The following SSBP2 variants were observed in gnomAD, a reference collection of about 807,000 sequenced individuals.
SSBP2 encodes the protein single stranded DNA binding protein 2, also known as single-stranded DNA-binding protein 2.
Under a neutral mutation model 61.8 loss-of-function variants are expected in SSBP2, and 17 were observed. The ratio of observed to expected loss-of-function variants is 0.28; its 90% CI spans 0.19 to 0.41. SSBP2 has a LOEUF of 0.41. Among genes scored for constraint, SSBP2 ranks in the 10% least tolerant of loss-of-function variants. The probability of loss-of-function intolerance (pLI) is 1.00; values close to 1 mark genes in which losing one functional copy is unlikely to be tolerated. For missense variants in SSBP2, 310 were observed against 458.7 expected (o/e 0.68, Z 2.96); for synonymous variants, 139 against 141.3 (o/e 0.98, Z 0.12).
intron 6 of SSBP2, among the ~76,000 whole-genome samples, chr5:81,486,915 G>C (rs1260411257): frequency 1.3e-5 from 2 of 152,238 alleles, no homozygotes; most frequent in African/African-American, 2.4e-5. Context: ...GTGAATCTGA[G>C]TGCTGGCACT....
At chr5:81,695,091 A>T (rs1006140586) in intron 1 of SSBP2, among the ~76,000 whole-genome samples, 1 of 152,366 alleles carries the variant, frequency 6.6e-6, no homozygotes, top group African/African-American at 2.4e-5. Flanking sequence ...AACATATTTT[A>T]AATAATCAGG....
intron 12 of SSBP2, among the ~76,000 whole-genome samples, chr5:81,445,138 T>TATATATTTA (rs1453692261): frequency 3.0e-5 from 1 of 33,896 alleles, no homozygotes; most frequent in African/African-American, 1.0e-4. Context: ...AAAAAAAATT[T>TATATATTTA]TATATATATA....
At chr5:81,512,348 T>C (rs1254439504) in intron 5 of SSBP2, among the ~76,000 whole-genome samples, 2 of 152,212 alleles carry the variant, frequency 1.3e-5, no homozygotes. Context: ...TAATAATACA[T>C]ATTTTACATC....
At chr5:81,521,404 A>G (rs1269024617) in intron 4 of SSBP2, among the ~76,000 whole-genome samples, 1 of 152,044 alleles carries the variant, frequency 6.6e-6, no homozygotes, top group African/African-American at 2.4e-5. Flanking sequence ...TTTTAATAAC[A>G]TAACTTCACT....
intron 13 of SSBP2, among the ~76,000 whole-genome samples, chr5:81,441,250 A>G (rs1288798691): frequency 6.6e-6 from 1 of 152,176 alleles, no homozygotes; most frequent in Non-Finnish European, 1.5e-5. Flanking sequence ...AAGTAGTGGA[A>G]TTCTTTTTTT....
chr5:81,725,489 C>T (rs1027956236), intron 1 of SSBP2, among the ~76,000 whole-genome samples: 1 of 151,800 alleles, frequency 6.6e-6, no homozygotes, highest in Non-Finnish European at 1.5e-5. Flanking sequence ...GTATATATAC[C>T]CTATTATCCA....
At chr5:81,493,558 A>G (rs867084879) in intron 5 of SSBP2, among the ~76,000 whole-genome samples, 1 of 152,168 alleles carries the variant, frequency 6.6e-6, no homozygotes, top group East Asian at 1.9e-4. Context: ...GTTCAAGGCC[A>G]TCCTGGCCAA....
chr5:81,594,248 C>A (rs977693122), intron 4 of SSBP2, among the ~76,000 whole-genome samples: 2 of 152,030 alleles, frequency 1.3e-5, no homozygotes, highest in Admixed American at 6.6e-5. Flanking sequence ...ACAAAGAAGG[C>A]CATTACATAA....
At chr5:81,465,514 T>G (rs1384015077) in intron 9 of SSBP2, among the ~76,000 whole-genome samples, 1 of 152,004 alleles carries the variant, frequency 6.6e-6, no homozygotes, top group Non-Finnish European at 1.5e-5. Flanking sequence ...GATTTAAAGT[T>G]GGCCGTATGA....
At chr5:81,424,188 G>A (rs1761798256) in intron 16 of SSBP2, among the ~76,000 whole-genome samples, 1 of 152,146 alleles carries the variant, frequency 6.6e-6, no homozygotes, top group Non-Finnish European at 1.5e-5. Flanking sequence ...CACTTTGGGA[G>A]GCCGAGGTGG....
intron 4 of SSBP2, among the ~76,000 whole-genome samples, chr5:81,532,858 T>C (rs1770521840): frequency 6.6e-6 from 1 of 151,938 alleles, no homozygotes; most frequent in African/African-American, 2.4e-5. Context: ...TTAAATGTTT[T>C]ATATCTAACT....
At chr5:81,678,154 T>C (rs1752124761) in intron 1 of SSBP2, among the ~76,000 whole-genome samples, 1 of 151,952 alleles carries the variant, frequency 6.6e-6, no homozygotes, top group Non-Finnish European at 1.5e-5. Flanking sequence ...AAGGCTTTAA[T>C]GAAAAAAGTA....
intron 16 of SSBP2, among the ~76,000 whole-genome samples, chr5:81,421,747 T>C (rs574780323): frequency 1.6e-4 from 24 of 152,338 alleles, no homozygotes; most frequent in African/African-American, 5.8e-4. Context: ...AAGAGAACTT[T>C]CTTCAAAGAC....
chr5:81,541,616 T>C (rs1771278375), intron 4 of SSBP2, among the ~76,000 whole-genome samples: 1 of 152,070 alleles, frequency 6.6e-6, no homozygotes, highest in Admixed American at 6.6e-5. Flanking sequence ...GAAAAAAAGC[T>C]GCAGACCTAC....
chr5:81,666,331 G>T (rs1378514482), intron 1 of SSBP2, among the ~76,000 whole-genome samples: 1 of 152,126 alleles, frequency 6.6e-6, no homozygotes, highest in African/African-American at 2.4e-5. Flanking sequence ...AGGAATAATT[G>T]CATTAGTTAA....
At chr5:81,509,706 C>T (rs1768449625) in intron 5 of SSBP2, among the ~76,000 whole-genome samples, 1 of 152,104 alleles carries the variant, frequency 6.6e-6, no homozygotes, top group Non-Finnish European at 1.5e-5. Context: ...TTGAAATAGT[C>T]TGCCTAGATA....
chr5:81,467,540 T>C (rs182969766), intron 8 of SSBP2, among the ~76,000 whole-genome samples: 1 of 152,092 alleles, frequency 6.6e-6, no homozygotes, highest in Admixed American at 6.6e-5. Flanking sequence ...TGCATTAATA[T>C]ACAAATACAC....
chr5:81,554,955 T>A (rs1772481445), intron 4 of SSBP2, among the ~76,000 whole-genome samples: 2 of 152,152 alleles, frequency 1.3e-5, no homozygotes, highest in South Asian at 4.1e-4. Flanking sequence ...CCATTGAACT[T>A]TATAGTGAGC....
intron 2 of SSBP2, among the ~76,000 whole-genome samples, chr5:81,643,293 G>C (rs531456564): frequency 7.2e-5 from 11 of 152,258 alleles, no homozygotes; most frequent in Non-Finnish European, 1.5e-4. Context: ...CAGGTTTGAA[G>C]GTGATGGGTT....
Sources: gnomAD v4.1 joint callset for allele counts (sites outside exome capture counted in the v4.1 genomes callset) on GRCh38, gnomAD v4.1.1 for gene constraint, MANE v1.5 for transcripts, NCBI Gene and HGNC (gene_info 2026-07-23, HGNC 2026-07-21) for gene names.